The following FAT1 variants were observed in gnomAD, a reference collection of about 807,000 sequenced individuals.
The protein encoded by FAT1 is protocadherin Fat 1.
Under a neutral mutation model 329.8 loss-of-function variants are expected in FAT1, and 171 were observed. The observed-to-expected ratio is 0.52, with a 90% CI of 0.46 to 0.59. The LOEUF (loss-of-function observed/expected upper bound fraction) is 0.59, where lower values mean the gene tolerates loss of function less well. FAT1 is among the 20% of genes least tolerant of loss of function. The pLI is 0.00. For missense variants in FAT1, 5,672 were observed against 5,774.4 expected (o/e 0.98, Z 0.57); for synonymous variants, 2,233 against 2,228.6 (o/e 1.00, Z -0.06).
chr4:186,607,878 C>A (rs1739224244), intron 16 of FAT1, among the ~76,000 whole-genome samples: 1 of 152,114 alleles, frequency 6.6e-6, no homozygotes, highest in South Asian at 2.1e-4. Context: ...TCCCTCATGT[C>A]ACTTCTATCA....
At chr4:186,606,833 T>C (rs1176016277) in intron 16 of FAT1, among the ~76,000 whole-genome samples, 2 of 152,230 alleles carry the variant, frequency 1.3e-5, no homozygotes, top group East Asian at 3.8e-4. Flanking sequence ...TCTTCTAGAA[T>C]GAGTTGTGGG....
chr4:186,611,749 G>A lies in FAT1; in HGVS notation c.9490C>T (p.Leu3164=), dbSNP rs2126470278. The A allele has an allele frequency of 6.3e-7, 1 of 1,579,908 alleles. No homozygotes were observed. Among genetic ancestry groups the A allele is most frequent in the East Asian group, 2.3e-5 (1 of 43,542 alleles). The change falls in exon 14 of 27, where the codon CTG becomes TTG. Residue 3164 remains leucine, a synonymous_variant. Transcript: ENST00000441802. ...AGLNRKILYS[L]IDSADGQFSI... ...AACTGCCCATCAGCAGAGTCAATCA[G>A]TGAGTATAAAATCTTCCGATTTAAT... is the stretch of plus-strand genomic sequence containing the variant.
chr4:186,713,776 G>A (rs1745080586), intron 1 of FAT1, among the ~76,000 whole-genome samples: 1 of 152,100 alleles, frequency 6.6e-6, no homozygotes, highest in Non-Finnish European at 1.5e-5. Flanking sequence ...CTCCTGAGTA[G>A]CTGGGACTAT....
chr4:186,599,812 G>C (rs1738708695), intron 22 of FAT1, 86 bp downstream of exon 22: 38 of 1,060,490 alleles, frequency 3.6e-5, no homozygotes, highest in Non-Finnish European at 4.7e-5. Flanking sequence ...AATCAAAAGA[G>C]AAAAAAATAA....
At position 186,639,714 on chromosome 4, in the gene FAT1, A is replaced by C; in HGVS notation, c.3642+8T>G. 6.3e-7 allele frequency: 1 copy of C among 1,597,858 alleles called. No individual in the cohort carries two copies. The highest frequency in any genetic ancestry group is 8.5e-7 in the Non-Finnish European group (1 of 1,172,204). On this transcript the variant is annotated splice_region_variant and intron_variant, in intron 4 of 26. Coordinates refer to ENST00000441802, the MANE Select transcript of FAT1 (RefSeq NM_005245.4). ...TCTTTAAGTATTAAAGATAAAAAAA[A>C]AACTTACCTCTAATATGTGTTCATC...
intron 3 of FAT1, among the ~76,000 whole-genome samples, chr4:186,640,944 G>T (rs1048778901): frequency 6.6e-6 from 1 of 152,170 alleles, no homozygotes; most frequent in Non-Finnish European, 1.5e-5. Context: ...AGGGCTGAAC[G>T]TTCTCCTCCC....
chr4:186,722,737 T>C (rs1745516919), intron 1 of FAT1, among the ~76,000 whole-genome samples: 1 of 152,188 alleles, frequency 6.6e-6, no homozygotes, highest in African/African-American at 2.4e-5. Flanking sequence ...GCATTAAGAA[T>C]CTGCTTTTGA....
At chr4:186,654,841 T>C (rs1378926681) in intron 3 of FAT1, among the ~76,000 whole-genome samples, 3 of 151,440 alleles carry the variant, frequency 2.0e-5, no homozygotes. Context: ...CAGAGGAGTT[T>C]GAGGCTGCAG....
intron 2 of FAT1, among the ~76,000 whole-genome samples, chr4:186,704,330 G>T (rs967173610): frequency 2.0e-5 from 3 of 151,940 alleles, no homozygotes; most frequent in African/African-American, 7.2e-5. Flanking sequence ...ACACCACCTC[G>T]TTTGGCTGGT....
At chr4:186,689,393 A>ATTT (rs1022633614) in intron 2 of FAT1, among the ~76,000 whole-genome samples, 42 of 152,070 alleles carry the variant, frequency 2.8e-4, no homozygotes, top group Non-Finnish European at 1.0e-4. Flanking sequence ...ATCACTGGAC[A>ATTT]TTTTTTTTCT....
chr4:186,665,160 T>C (rs1346068195), intron 2 of FAT1, among the ~76,000 whole-genome samples: 1 of 152,232 alleles, frequency 6.6e-6, no homozygotes, highest in Non-Finnish European at 1.5e-5. Flanking sequence ...ATTGCTTCAT[T>C]ATTTCATACT....
At chr4:186,720,254 GT>G (rs998850035) in intron 1 of FAT1, among the ~76,000 whole-genome samples, 1 of 151,992 alleles carries the variant, frequency 6.6e-6, no homozygotes, top group African/African-American at 2.4e-5. Context: ...CAGCTTATTT[GT>G]TTTCACCTTT....
chr4:186,627,994 AT>A, intron 9 of FAT1, 159 bp downstream of exon 9: 2 of 796,434 alleles, frequency 2.5e-6, no homozygotes, highest in Non-Finnish European at 3.8e-6. Context: ...AAAAAAAAAA[AT>A]TCCTTTCTCC....
At chr4:186,600,879 T>G (rs1451872120) in intron 21 of FAT1, among the ~76,000 whole-genome samples, 1 of 152,170 alleles carries the variant, frequency 6.6e-6, no homozygotes, top group Non-Finnish European at 1.5e-5. Flanking sequence ...TCTGGCTAAT[T>G]TTTTGTATTT....
At chr4:186,653,444 C>T (rs940807288) in intron 3 of FAT1, among the ~76,000 whole-genome samples, 1 of 152,176 alleles carries the variant, frequency 6.6e-6, no homozygotes, top group Admixed American at 6.5e-5. Context: ...TTTCTAAGCA[C>T]TCTTGCTTAG....
chr4:186,622,304 T>C (rs1412271538), intron 9 of FAT1, among the ~76,000 whole-genome samples: 1 of 152,254 alleles, frequency 6.6e-6, no homozygotes, highest in Non-Finnish European at 1.5e-5. Flanking sequence ...TTTTGAAGAT[T>C]GCAACAACAT....
chr4:186,650,488 G>T (rs1441664091), intron 3 of FAT1, among the ~76,000 whole-genome samples: 3 of 152,108 alleles, frequency 2.0e-5, no homozygotes, highest in Non-Finnish European at 4.4e-5. Flanking sequence ...AAGCAAAATA[G>T]CCTCTCTGTC....
At chr4:186,632,066 G>C (rs1740626839) in intron 7 of FAT1, among the ~76,000 whole-genome samples, 2 of 152,250 alleles carry the variant, frequency 1.3e-5, no homozygotes, top group South Asian at 4.2e-4. Flanking sequence ...TATGACAATG[G>C]CCCAAAAATA....
chr4:186,614,139 A>G, intron 12 of FAT1, 52 bp downstream of exon 12: 1 of 1,480,118 alleles, frequency 6.8e-7, no homozygotes. Flanking sequence ...TCACCCACAT[A>G]TATGATACTG....
Sources: allele counts gnomAD v4.1 joint callset (sites outside exome capture counted in the v4.1 genomes callset), GRCh38; gene constraint gnomAD v4.1.1; transcripts MANE v1.5; gene names NCBI Gene and HGNC (gene_info 2026-07-23, HGNC 2026-07-21).